The following FDFT1 variants were observed in gnomAD, a reference collection of about 807,000 sequenced individuals.
FDFT1 encodes the protein farnesyl-diphosphate farnesyltransferase 1.
A neutral mutation model predicts 46.8 loss-of-function variants in FDFT1; 68 were observed. The ratio of observed to expected loss-of-function variants is 1.45; its 90% CI spans 1.19 to 1.78. The LOEUF (loss-of-function observed/expected upper bound fraction) is 1.78, where lower values mean the gene tolerates loss of function less well. FDFT1 is among the 40% of genes most tolerant of loss of function. The probability of loss-of-function intolerance (pLI) is 0.00; values close to 1 mark genes in which losing one functional copy is unlikely to be tolerated. For missense variants in FDFT1, 928 were observed against 524.4 expected (o/e 1.77, Z -7.52); for synonymous variants, 351 against 185.1 (o/e 1.90, Z -7.28).
chr8:11,827,265 C>A (rs558375769), intron 5 of FDFT1, among the ~76,000 whole-genome samples: 9 of 152,036 alleles, frequency 5.9e-5, no homozygotes, highest in Admixed American at 3.9e-4. Flanking sequence ...CTGAGCAACA[C>A]AGCAAGATAC....
At chr8:11,811,533 G>A (rs943763009) in intron 3 of FDFT1, among the ~76,000 whole-genome samples, 5 of 152,218 alleles carry the variant, frequency 3.3e-5, no homozygotes, top group African/African-American at 9.7e-5. Context: ...GAATATCGCC[G>A]TCAGATTTCC....
At chr8:11,833,924 A>G (rs1270007078) in intron 7 of FDFT1, among the ~76,000 whole-genome samples, 2 of 152,264 alleles carry the variant, frequency 1.3e-5, no homozygotes, top group Non-Finnish European at 2.9e-5. Flanking sequence ...GAAGATTTCT[A>G]AGTCTTAAGC....
intron 5 of FDFT1, among the ~76,000 whole-genome samples, chr8:11,828,310 C>G (rs186450618): frequency 1.3e-5 from 2 of 151,784 alleles, no homozygotes; most frequent in African/African-American, 2.4e-5. Flanking sequence ...CAAACAACAA[C>G]AAAAAAACAA....
rs1240036150 is a variant in FDFT1, at chr8:11,831,517, G to C, written c.880-1G>C. 2 of 1,613,848 alleles carry C rather than the reference G, an allele frequency of 1.2e-6. No homozygotes were observed. Among genetic ancestry groups the C allele is most frequent in the East Asian group, 2.2e-5 (1 of 44,878 alleles). ...TTTCCCTCTCTTCTTGTTGTCTCTA[G>C]GTGATGGCCATTGCCACTTTGGCTG... On this transcript the variant is annotated splice_acceptor_variant, in intron 6 of 7. Transcript: ENST00000220584. LOFTEE classifies it high-confidence loss of function.
intron 5 of FDFT1, among the ~76,000 whole-genome samples, chr8:11,828,220 C>A (rs189765608): frequency 6.6e-6 from 1 of 152,110 alleles, no homozygotes; most frequent in African/African-American, 2.4e-5. Context: ...CCCAGGAGTT[C>A]AAGGCTGCAG....
intron 7 of FDFT1, among the ~76,000 whole-genome samples, chr8:11,832,920 G>A (rs958443058): frequency 3.3e-5 from 5 of 152,088 alleles, no homozygotes; most frequent in African/African-American, 7.2e-5. Flanking sequence ...CCTGTTACGC[G>A]TTTACAGGAA....
At chr8:11,835,971 T>TTAAAA (rs1554530005) in intron 7 of FDFT1, among the ~76,000 whole-genome samples, 1 of 64,608 alleles carries the variant, frequency 1.5e-5, no homozygotes, top group South Asian at 6.3e-4. Flanking sequence ...CTGTCTCTAC[T>TTAAAA]AAAAAAAAAA....
intron 1 of FDFT1, 159 bp from the exon 2 acceptor site, chr8:11,808,635 T>G: frequency 7.2e-7 from 1 of 1,397,208 alleles, no homozygotes; most frequent in Non-Finnish European, 9.3e-7. Flanking sequence ...GGGCTGCTGC[T>G]TGCCTCCTGC....
intron 3 of FDFT1, among the ~76,000 whole-genome samples, chr8:11,820,675 G>C (rs572957263): frequency 6.6e-6 from 1 of 152,318 alleles, no homozygotes; most frequent in Admixed American, 6.5e-5. Flanking sequence ...GACCCCCCGA[G>C]CCAGGCACTG....
chr8:11,795,723 A>G (rs1199885363), exon 1 of FDFT1: 2 of 152,242 alleles, frequency 1.3e-5, no homozygotes, highest in East Asian at 1.9e-4. Flanking sequence ...TCCTGAAGCC[A>G]GTAAGACAAC....
At chr8:11,805,525 A>T (rs554825087) in intron 1 of FDFT1, among the ~76,000 whole-genome samples, 173 of 152,326 alleles carry the variant, frequency 1.1e-3, no homozygotes, top group Non-Finnish European at 1.8e-3. Context: ...TTCTGACGCT[A>T]TTAAGTTAGG....
chr8:11,825,684 C>G (rs746869192), intron 4 of FDFT1, among the ~76,000 whole-genome samples: 1 of 75,088 alleles, frequency 1.3e-5, no homozygotes, highest in African/African-American at 4.3e-5. Flanking sequence ...GAGACTCCAT[C>G]TCAAAAAAAA....
Position 11,821,833 on chromosome 8 carries a change from A to C in FDFT1, c.465A>C (p.Ala155=). Residue 155 remains alanine, a synonymous_variant, in exon 4 of 8, where the codon GCA becomes GCC. Transcript: ENST00000220584. ...GCCGGAGAATGGGCATTGGGATGGCAGAGTTTTTGGATAAGCATGTGACCT... is the reference window on the plus strand; with the variant it reads ...GCCGGAGAATGGGCATTGGGATGGCCGAGTTTTTGGATAAGCATGTGACCT... ...DICRRMGIGM[A]EFLDKHVTSE... is the part of the protein sequence containing the mutation. 6.2e-7 allele frequency: 1 copy of C among 1,613,706 alleles called. No individual in the cohort carries two copies. Among genetic ancestry groups the C allele is most frequent in the Non-Finnish European group, 8.5e-7 (1 of 1,179,652 alleles).
intron 7 of FDFT1, among the ~76,000 whole-genome samples, chr8:11,833,158 C>T (rs1253283102): frequency 5.3e-5 from 8 of 152,108 alleles, no homozygotes; most frequent in Non-Finnish European, 1.0e-4. Context: ...AATATTCAGC[C>T]AGTGACCCAA....
chr8:11,816,348 C>T (rs898898163), intron 3 of FDFT1, among the ~76,000 whole-genome samples: 8 of 152,192 alleles, frequency 5.3e-5, no homozygotes, highest in Non-Finnish European at 1.0e-4. Context: ...CTTGGCTATG[C>T]AGGCTCTTTT....
intron 3 of FDFT1, 34 bp from the exon 4 acceptor site, chr8:11,821,716 C>A: frequency 6.2e-7 from 1 of 1,609,468 alleles, no homozygotes; most frequent in Non-Finnish European, 8.5e-7. Context: ...GTACATATTT[C>A]ATGATTTCTG....
At chr8:11,799,782 C>G (rs1805918449), upstream of FDFT1, among the ~76,000 whole-genome samples, 1 of 151,826 alleles carries the variant, frequency 6.6e-6, no homozygotes, top group Admixed American at 6.6e-5. Flanking sequence ...CCTGTCTCAA[C>G]TAAAAATAAA....
chr8:11,803,232 T>A (rs1806368020), intron 1 of FDFT1: 7 of 1,385,644 alleles, frequency 5.1e-6, no homozygotes, highest in Non-Finnish European at 6.7e-6. Flanking sequence ...ACCGGTATTT[T>A]AACCCGAGGG....
intron 3 of FDFT1, among the ~76,000 whole-genome samples, chr8:11,819,226 C>G (rs1394159715): frequency 6.6e-6 from 1 of 152,244 alleles, no homozygotes; most frequent in Admixed American, 6.5e-5. Context: ...TGCTGTTAGT[C>G]TGATGGGCTT....
Sources: gnomAD v4.1 joint callset for allele counts (sites outside exome capture counted in the v4.1 genomes callset) on GRCh38, gnomAD v4.1.1 for gene constraint, MANE v1.5 for transcripts, NCBI Gene and HGNC (gene_info 2026-07-23, HGNC 2026-07-21) for gene names.